Variants in RNF150 observed in about 807,000 individuals in gnomAD.
RNF150 encodes ring finger protein 150.
Under a neutral mutation model 39.3 loss-of-function variants are expected in RNF150, and 24 were observed. That is an observed-to-expected ratio of 0.61 (90% CI 0.44 to 0.86). RNF150 has a LOEUF of 0.86. Among genes scored for constraint, RNF150 ranks in the 40% least tolerant of loss-of-function variants. The probability of loss-of-function intolerance (pLI) is 0.00; values close to 1 mark genes in which losing one functional copy is unlikely to be tolerated. For synonymous variants in RNF150, 255 were observed against 227.3 expected (o/e 1.12, Z -1.10); for missense variants, 502 against 587.8 (o/e 0.85, Z 1.51).
chr4:140,972,628 C>T (rs1390978558), intron 1 of RNF150, among the ~76,000 whole-genome samples: 2 of 152,078 alleles, frequency 1.3e-5, no homozygotes, highest in Non-Finnish European at 2.9e-5. Flanking sequence ...ATTTGGTCAT[C>T]TAGGTGTGAG....
chr4:140,875,900 G>T (rs1729138003), intron 6 of RNF150, among the ~76,000 whole-genome samples: 1 of 152,084 alleles, frequency 6.6e-6, no homozygotes, highest in South Asian at 2.1e-4. Context: ...TCACTCTACT[G>T]CCTGTCTTAT....
intron 1 of RNF150, among the ~76,000 whole-genome samples, chr4:140,985,402 T>A (rs1374801765): frequency 6.6e-6 from 1 of 152,146 alleles, no homozygotes; most frequent in African/African-American, 2.4e-5. Context: ...CTCTTCCACC[T>A]CTGACCTTAT....
intron 1 of RNF150, among the ~76,000 whole-genome samples, chr4:141,176,468 G>A (rs1727815770): frequency 6.6e-6 from 1 of 152,086 alleles, no homozygotes; most frequent in South Asian, 2.1e-4. Context: ...GTCCTTAGTG[G>A]TATTGCTTTG....
At chr4:141,121,686 A>T (rs1300564531) in intron 1 of RNF150, among the ~76,000 whole-genome samples, 22 of 152,098 alleles carry the variant, frequency 1.4e-4, no homozygotes, top group Admixed American at 1.4e-3. Flanking sequence ...CATTATTATC[A>T]GTGAATCACT....
chr4:141,114,530 A>C (rs993071064), intron 1 of RNF150, among the ~76,000 whole-genome samples: 5 of 152,192 alleles, frequency 3.3e-5, no homozygotes, highest in African/African-American at 1.2e-4. Context: ...CAACCAAAAA[A>C]ATCCCAGGAC....
intron 5 of RNF150, among the ~76,000 whole-genome samples, chr4:140,915,942 G>A (rs1376619206): frequency 6.6e-6 from 1 of 152,218 alleles, no homozygotes; most frequent in Non-Finnish European, 1.5e-5. Flanking sequence ...ACAGGGTCTG[G>A]AGTGGACCTC....
chr4:141,140,213 T>C (rs1049407313), intron 1 of RNF150, among the ~76,000 whole-genome samples: 6 of 152,356 alleles, frequency 3.9e-5, no homozygotes, highest in Non-Finnish European at 2.9e-5. Flanking sequence ...TTGCTCTTTG[T>C]TCTCTTACTA....
chr4:140,960,928 C>G (rs1254727738), intron 2 of RNF150, among the ~76,000 whole-genome samples: 1 of 152,132 alleles, frequency 6.6e-6, no homozygotes, highest in Non-Finnish European at 1.5e-5. Context: ...TTTTCTCATT[C>G]AACCCTCACA....
In RNF150 at chr4:141,110,719, T is replaced by C. The variant is rs13130093; in HGVS notation, c.484+21606A>G. Among the ~76,000 whole-genome samples, 821 of 152,036 alleles carry C rather than the reference T, an allele frequency of 5.4e-3. 1 individual carries two copies. Among genetic ancestry groups the C allele is most frequent in the Non-Finnish European group, 8.1e-3 (548 of 68,000 alleles). On this transcript the variant is annotated intron_variant, in intron 1 of 6. Coordinates refer to ENST00000515673, the MANE Select transcript of RNF150 (RefSeq NM_020724.2). ...TGAACCATCTTGCTTGGCCCAACAGTTTTTCACTGAGGCTTCTTCCAAGTG... is the reference window on the plus strand; with the variant it reads ...TGAACCATCTTGCTTGGCCCAACAGCTTTTCACTGAGGCTTCTTCCAAGTG...
chr4:141,185,774 T>G (rs1727997097), intron 1 of RNF150, among the ~76,000 whole-genome samples: 1 of 152,240 alleles, frequency 6.6e-6, no homozygotes, highest in Admixed American at 6.5e-5. Context: ...CTTTTCTGCA[T>G]CTATTGAGAT....
chr4:140,973,290 T>C (rs1449750060), intron 1 of RNF150, among the ~76,000 whole-genome samples: 1 of 152,220 alleles, frequency 6.6e-6, no homozygotes, highest in Non-Finnish European at 1.5e-5. Context: ...GGTTTACTTT[T>C]ACTAAGAATT....
chr4:140,878,550 C>T (rs1351020352), intron 6 of RNF150, among the ~76,000 whole-genome samples: 2 of 151,978 alleles, frequency 1.3e-5, no homozygotes, highest in African/African-American at 4.8e-5. Context: ...GCCATTTGTA[C>T]TTCTTCTTAG....
Position 140,910,702 on chromosome 4 carries a change from C to G in RNF150, c.1198+442G>C, listed in dbSNP as rs1342272623. ...TACAGTCACACGCACACTCGGGGCT[C>G]CAGTGTGTGTGTGTGTGTGTACACA... On this transcript the variant is annotated intron_variant, in intron 6 of 6. Transcript: ENST00000515673. Among the ~76,000 whole-genome samples, 7 of 105,826 alleles carry G rather than the reference C, an allele frequency of 6.6e-5. No homozygotes were observed. In the South Asian group the frequency reaches 1.8e-3, roughly 28 times the overall value. The allele number at this position is 105,826 out of a possible 152,430, so 69.4% of individuals were successfully genotyped here.
chr4:141,068,430 G>A (rs1737549004), intron 1 of RNF150, among the ~76,000 whole-genome samples: 1 of 152,074 alleles, frequency 6.6e-6, no homozygotes, highest in South Asian at 2.1e-4. Flanking sequence ...CTCTGTTTTG[G>A]TACCAGTACC....
intron 1 of RNF150, among the ~76,000 whole-genome samples, chr4:141,095,261 G>C (rs1174324191): frequency 1.3e-5 from 2 of 152,172 alleles, no homozygotes; most frequent in Non-Finnish European, 2.9e-5. Context: ...AGACGGCTTT[G>C]TACTCAGTAG....
chr4:141,163,426 A>G lies in RNF150; in HGVS notation c.-6+49368T>C, dbSNP rs113181260. ...CTGCCTGCACTGAAAAGAGCAGTGG[A>G]TCTCTCAGCACAGCACTCAAGCTCT... On this transcript the variant is annotated intron_variant, in intron 1 of 7. Transcript: ENST00000420921. 2.7e-3 allele frequency among the ~76,000 whole-genome samples: 405 copies of G among 152,328 alleles called. 1 individual carries two copies. Among genetic ancestry groups the G allele is most frequent in the African/African-American group, 9.2e-3 (383 of 41,572 alleles).
At chr4:141,196,747 G>T (rs566126998) in intron 1 of RNF150, among the ~76,000 whole-genome samples, 1 of 152,286 alleles carries the variant, frequency 6.6e-6, no homozygotes, top group South Asian at 2.1e-4. Context: ...GCTAAGATAT[G>T]CATTTTAGTA....
intron 1 of RNF150, among the ~76,000 whole-genome samples, chr4:141,167,904 C>T (rs79621760): frequency 0.37 from 56,716 of 152,036 alleles, 12,874 homozygotes; most frequent in Non-Finnish European, 0.5. Context: ...ATGATTAAAA[C>T]GCCAAAAGCA....
At chr4:140,964,923 A>C (rs563819812) in intron 2 of RNF150, among the ~76,000 whole-genome samples, 1 of 151,916 alleles carries the variant, frequency 6.6e-6, no homozygotes, top group East Asian at 1.9e-4. Context: ...GGTATTTAAT[A>C]TATGTTAAAT....
Sources: allele counts gnomAD v4.1 joint callset (sites outside exome capture counted in the v4.1 genomes callset), GRCh38; gene constraint gnomAD v4.1.1; transcripts MANE v1.5; gene names NCBI Gene and HGNC (gene_info 2026-07-23, HGNC 2026-07-21).